The following SENP5 variants were observed in gnomAD, a reference collection of about 807,000 sequenced individuals.
SENP5 encodes sentrin-specific protease 5.
SENP5 carries 21 observed loss-of-function variants against 74.2 expected under a neutral mutation model. That is an observed-to-expected ratio of 0.28 (90% CI 0.20 to 0.41). The LOEUF is 0.41. Ranked by LOEUF, SENP5 falls within the 10% of genes least tolerant of loss-of-function variation. The pLI, the probability that SENP5 is intolerant of heterozygous loss-of-function variation, is 1.00. For missense variants in SENP5, 717 were observed against 889.1 expected, an observed-to-expected ratio of 0.81 and a Z score of 2.46; for synonymous variants, 311 against 312.7, an observed-to-expected ratio of 0.99 and a Z score of 0.06.
chr3:196,915,668 T>A (rs1337515467), intron 6 of SENP5, among the ~76,000 whole-genome samples: 2 of 152,168 alleles, frequency 1.3e-5, no homozygotes, highest in Non-Finnish European at 1.5e-5. Flanking sequence ...TGGGAGTGCT[T>A]GCACCACCCC....
At chr3:196,930,404 G>C (rs1188686101) in intron 9 of SENP5, among the ~76,000 whole-genome samples, 1 of 152,176 alleles carries the variant, frequency 6.6e-6, no homozygotes, top group Non-Finnish European at 1.5e-5. Context: ...AGCTTGGTCA[G>C]TCACCTATAA....
At chr3:196,870,202 G>A (rs763276405) in intron 1 of SENP5, among the ~76,000 whole-genome samples, 8 of 152,134 alleles carry the variant, frequency 5.3e-5, no homozygotes, top group Admixed American at 2.6e-4. Flanking sequence ...TTTGGTAGAC[G>A]CTCAGAAAGG....
intron 6 of SENP5, 131 bp downstream of exon 6, chr3:196,903,741 A>C: frequency 1.8e-6 from 1 of 564,262 alleles, no homozygotes; most frequent in Non-Finnish European, 3.1e-6. Flanking sequence ...ACAAGTTTTA[A>C]ATTTGTTTCT....
rs538361504 is a variant in SENP5 at position 196,869,722 on chromosome 3, A to T, written c.-32+1649A>T. 3.0e-5 allele frequency among the ~76,000 whole-genome samples: 4 copies of T among 133,650 alleles called. No homozygotes were observed. The South Asian group carries it at 9.4e-4, about 32-fold the overall frequency. 87.7% of individuals were successfully genotyped at this position (133,650 alleles called of 152,430 possible). A position where few individuals can be genotyped will look rare whatever the true frequency, so the allele number is the denominator to read the frequency against. On this transcript the variant is annotated intron_variant, in intron 1 of 9. Coordinates refer to ENST00000323460, the MANE Select transcript of SENP5 (RefSeq NM_152699.5). ...TGTGGTGAGCTGAGATAGTGCCATTACACTCCAGCCTGGGCAACAAGAGCA... is the reference window on the plus strand; with the variant it reads ...TGTGGTGAGCTGAGATAGTGCCATTTCACTCCAGCCTGGGCAACAAGAGCA...
chr3:196,927,839 G>T lies in SENP5; in HGVS notation c.2066G>T (p.Arg689Ile). 6.2e-7 allele frequency: 1 copy of T among 1,613,058 alleles called. No individual in the cohort carries two copies. The highest frequency in any genetic ancestry group is 1.1e-5 in the South Asian group (1 of 91,048). ...CTGACTGAAGCCAGAGAAAAAAATA[G>T]ACCTGAATTTCTTCAGGGTTGGCAG... The part of the protein sequence containing the change: ...YLLTEAREKN[R>I]PEFLQGWQTA... Residue 689 changes from arginine to isoleucine, a missense_variant, in exon 8 of 10, where the codon AGA becomes ATA. Around this residue, in one of 4 missense-constraint regions of SENP5, gnomAD observed 85 missense variants for 188.9 expected, o/e 0.45. Transcript: ENST00000323460.
At chr3:196,872,263 C>G (rs746535020) in intron 1 of SENP5, among the ~76,000 whole-genome samples, 1 of 152,206 alleles carries the variant, frequency 6.6e-6, no homozygotes, top group Non-Finnish European at 1.5e-5. Flanking sequence ...GAACATACAG[C>G]AGCATGGCTG....
chr3:196,906,513 G>A (rs769160130), intron 6 of SENP5, among the ~76,000 whole-genome samples: 1 of 152,194 alleles, frequency 6.6e-6, no homozygotes, highest in Non-Finnish European at 1.5e-5. Flanking sequence ...TGGAATGCAG[G>A]TTTGGTTAAC....
In SENP5 at chr3:196,874,739, C is replaced by T. The variant is rs528579922; in HGVS notation, c.-32+6666C>T. Among the ~76,000 whole-genome samples, 9 of 152,132 alleles carry T rather than the reference C, an allele frequency of 5.9e-5. No individual in the cohort carries two copies. The East Asian group carries it at 1.4e-3, about 23-fold the overall frequency. ...TACTAAAAATACAAAATTGGCTGGGCGTGGTGGCGCATGCCTGTAATCCCA... is the reference window on the plus strand; with the variant it reads ...TACTAAAAATACAAAATTGGCTGGGTGTGGTGGCGCATGCCTGTAATCCCA... On this transcript the variant is annotated intron_variant, in intron 1 of 9. Transcript: ENST00000323460.
At chr3:196,915,013 C>G (rs978079252) in intron 6 of SENP5, among the ~76,000 whole-genome samples, 1 of 152,212 alleles carries the variant, frequency 6.6e-6, no homozygotes, top group Non-Finnish European at 1.5e-5. Flanking sequence ...GGGCAGAATT[C>G]TGCCAGCACC....
Position 196,931,789 on chromosome 3 carries a change from G to A in SENP5, c.*866G>A. Reference sequence around the variant, plus strand: ...CTGTTCTCAGAGTAATTTTTAAGTTGTCATTTCCCTGTGTTGCCTCCCAAT... The same window carrying A: ...CTGTTCTCAGAGTAATTTTTAAGTTATCATTTCCCTGTGTTGCCTCCCAAT... On this transcript the variant is annotated 3_prime_UTR_variant, in exon 10 of 10. Transcript: ENST00000323460. The A allele has an allele frequency of 3.0e-6, 1 of 328,360 alleles. No individual in the cohort carries two copies. Among genetic ancestry groups the A allele is most frequent in the South Asian group, 2.3e-5 (1 of 43,244 alleles). 20.3% of individuals were successfully genotyped at this position (328,360 alleles called of 1,614,324 possible). A position where few individuals can be genotyped will look rare whatever the true frequency, so the allele number is the denominator to read the frequency against.
At chr3:196,890,163 A>AG (rs1054114409) in intron 2 of SENP5, among the ~76,000 whole-genome samples, 4 of 152,220 alleles carry the variant, frequency 2.6e-5, no homozygotes, top group African/African-American at 9.6e-5. Flanking sequence ...AAGTTACCTA[A>AG]GTAGAGATGA....
At chr3:196,879,853 C>G (rs1254982899) in intron 1 of SENP5, among the ~76,000 whole-genome samples, 1 of 152,116 alleles carries the variant, frequency 6.6e-6, no homozygotes, top group African/African-American at 2.4e-5. Context: ...TTACTTTTAA[C>G]TTCGAAATAA....
chr3:196,897,080 C>T (rs1256378217), intron 2 of SENP5, among the ~76,000 whole-genome samples: 1 of 152,176 alleles, frequency 6.6e-6, no homozygotes, highest in Non-Finnish European at 1.5e-5. Context: ...CACCATGATA[C>T]TAGTTTGAAA....
rs1214210489 is a variant in SENP5 at position 196,868,073 on chromosome 3, G to A, written c.-32G>A. The A allele has an allele frequency of 6.6e-6, 1 of 152,326 alleles. No individual in the cohort carries two copies. The highest frequency in any genetic ancestry group is 2.4e-5 in the African/African-American group (1 of 41,474). 9.4% of individuals were successfully genotyped at this position (152,326 alleles called of 1,614,324 possible). On this transcript the variant is annotated splice_region_variant and 5_prime_UTR_variant, in exon 1 of 10. Transcript: ENST00000323460. ...GCAGCTGCCAGGAACGAGGGTAGCA[G>A]GTAAGCGGGGACGCGGGCAGACGAG...
chr3:196,901,046 TTAC>T (rs770208219), intron 5 of SENP5, among the ~76,000 whole-genome samples: 40 of 96,332 alleles, frequency 4.2e-4, no homozygotes, highest in Non-Finnish European at 7.9e-4. Flanking sequence ...TGTATTTATT[TTAC>T]TTTTTTTTTT....
intron 2 of SENP5, among the ~76,000 whole-genome samples, chr3:196,894,534 C>CTT (rs200741660): frequency 2.5e-4 from 35 of 141,820 alleles, no homozygotes; most frequent in East Asian, 9.9e-4. Context: ...GTTGCGAGTT[C>CTT]TTTTTTTTTT....
chr3:196,917,530 A>C (rs1308465370), intron 6 of SENP5, among the ~76,000 whole-genome samples: 4 of 152,170 alleles, frequency 2.6e-5, no homozygotes. Context: ...TCAAACTCCC[A>C]AAGGTTGAGG....
rs1003024314 is a variant in SENP5, at chr3:196,926,504, A to G, written c.2023-1292A>G. Reference sequence around the variant, plus strand: ...CTCAAAAAAAAAAAAAAAAGAATTTATATATACTGCTTATTCTGAGAACTT... The same window carrying G: ...CTCAAAAAAAAAAAAAAAAGAATTTGTATATACTGCTTATTCTGAGAACTT... On this transcript the variant is annotated intron_variant, in intron 7 of 9. Coordinates refer to ENST00000323460, the MANE Select transcript of SENP5 (RefSeq NM_152699.5). Among the ~76,000 whole-genome samples, 5 of 151,614 alleles carry G rather than the reference A, an allele frequency of 3.3e-5. 1 individual carries two copies. The highest frequency in any genetic ancestry group is 7.4e-5 in the Non-Finnish European group (5 of 67,922).
At chr3:196,898,313 G>A (rs748082659) in intron 2 of SENP5, among the ~76,000 whole-genome samples, 3 of 151,566 alleles carry the variant, frequency 2.0e-5, no homozygotes, top group Non-Finnish European at 4.4e-5. Context: ...CTGTCCTATG[G>A]TGTGGCCAAA....
Sources: gnomAD v4.1 joint callset for allele counts (sites outside exome capture counted in the v4.1 genomes callset) on GRCh38, gnomAD v4.1.1 for gene constraint, gnomAD v4.1.1 regional missense constraint, MANE v1.5 for transcripts, NCBI Gene and HGNC (gene_info 2026-07-23, HGNC 2026-07-21) for gene names.